The following AGTPBP1 variants were observed in gnomAD, a reference collection of about 807,000 sequenced individuals.
AGTPBP1 encodes the protein cytosolic carboxypeptidase 1.
AGTPBP1 carries 70 observed loss-of-function variants against 143.9 expected under a neutral mutation model. The ratio of observed to expected loss-of-function variants is 0.49; its 90% CI spans 0.40 to 0.59. AGTPBP1 has a LOEUF of 0.59. Ranked by LOEUF, AGTPBP1 falls within the 20% of genes least tolerant of loss-of-function variation. The pLI is 0.00. For missense variants in AGTPBP1, 1,229 were observed against 1,464.5 expected, an observed-to-expected ratio of 0.84 and a Z score of 2.62; for synonymous variants, 463 against 500.2, an observed-to-expected ratio of 0.93 and a Z score of 0.99.
At chr9:85,700,918 C>T (rs1185024434) in intron 2 of AGTPBP1, among the ~76,000 whole-genome samples, 3 of 150,178 alleles carry the variant, frequency 2.0e-5, no homozygotes, top group Non-Finnish European at 3.0e-5. Flanking sequence ...ACACACTATA[C>T]TTTTTTTTTT....
At chr9:85,778,200 C>T in the AGTPBP1 span, among the ~76,000 whole-genome samples, 12 of 152,138 alleles carry the variant, frequency 7.9e-5, no homozygotes, top group South Asian at 2.1e-4. Flanking sequence ...CTGCTGTGCA[C>T]GACCCACTTT....
At chr9:85,766,787 C>G in the AGTPBP1 span, among the ~76,000 whole-genome samples, 2 of 152,096 alleles carry the variant, frequency 1.3e-5, no homozygotes, top group Non-Finnish European at 2.9e-5. Context: ...AGCAGATGAT[C>G]GAGAACATGA....
At chr9:85,757,697 C>A in the AGTPBP1 span, among the ~76,000 whole-genome samples, 1 of 151,578 alleles carries the variant, frequency 6.6e-6, no homozygotes, top group African/African-American at 2.4e-5. Flanking sequence ...AGATGTTTTC[C>A]TTTTTTAAAA....
intron 25 of AGTPBP1, among the ~76,000 whole-genome samples, chr9:85,566,350 C>T (rs1452649445): frequency 4.6e-5 from 7 of 151,194 alleles, no homozygotes. Flanking sequence ...GAGGCTCCCT[C>T]TCTACTGAAA....
the AGTPBP1 span, among the ~76,000 whole-genome samples, chr9:85,781,639 T>C: frequency 1.3e-5 from 2 of 152,360 alleles, no homozygotes; most frequent in East Asian, 1.9e-4. Flanking sequence ...AAATTAACTA[T>C]ATAATCTAAC....
intron 17 of AGTPBP1, among the ~76,000 whole-genome samples, chr9:85,612,028 C>T (rs1830346317): frequency 1.3e-5 from 2 of 152,084 alleles, no homozygotes; most frequent in African/African-American, 4.8e-5. Flanking sequence ...GGTCTCTACC[C>T]CCCAGTTCCT....
the AGTPBP1 span, among the ~76,000 whole-genome samples, chr9:85,793,930 A>G: frequency 1.3e-5 from 2 of 152,156 alleles, no homozygotes; most frequent in Admixed American, 1.3e-4. Flanking sequence ...GGAAATTTCT[A>G]CAGGCTTTTA....
At chr9:85,797,856 C>T in the AGTPBP1 span, among the ~76,000 whole-genome samples, 5 of 152,146 alleles carry the variant, frequency 3.3e-5, no homozygotes, top group African/African-American at 7.2e-5. Context: ...TCTGCTTTGT[C>T]GGAGTTCTGG....
Position 85,613,470 on chromosome 9 carries a change from T to C in AGTPBP1, c.2335+5513A>G, listed in dbSNP as rs1293438642. 2.6e-5 allele frequency among the ~76,000 whole-genome samples: 4 copies of C among 152,072 alleles called. No individual in the cohort carries two copies. In the South Asian group the frequency reaches 6.2e-4, roughly 24 times the overall value. On this transcript the variant is annotated intron_variant, in intron 17 of 25. Transcript: ENST00000357081. ...AATAAGCAAATATACATATTGCAGA[T>C]AGCACACAAATTTCTGCTACTGAAT...
intron 25 of AGTPBP1, among the ~76,000 whole-genome samples, chr9:85,572,079 T>C (rs1167639586): frequency 1.5e-5 from 2 of 135,108 alleles, no homozygotes; most frequent in African/African-American, 5.5e-5. Context: ...CAGGATGGAG[T>C]GTAGTGGCAG....
the AGTPBP1 span, among the ~76,000 whole-genome samples, chr9:85,759,293 T>C: frequency 6.6e-6 from 1 of 152,252 alleles, no homozygotes; most frequent in South Asian, 2.1e-4. Context: ...TACAGAACTT[T>C]CCACCCCACA....
chr9:85,653,761 A>G (rs113211693), intron 11 of AGTPBP1, among the ~76,000 whole-genome samples: 13 of 152,276 alleles, frequency 8.5e-5, no homozygotes, highest in African/African-American at 3.1e-4. Flanking sequence ...GCATTTACTC[A>G]CAGCTCCACC....
chr9:85,802,146 C>T, the AGTPBP1 span, among the ~76,000 whole-genome samples: 1 of 152,142 alleles, frequency 6.6e-6, no homozygotes, highest in Non-Finnish European at 1.5e-5. Flanking sequence ...CCTCCACTCT[C>T]CAACCATCTC....
chr9:85,749,608 G>A, the AGTPBP1 span, among the ~76,000 whole-genome samples: 2 of 152,060 alleles, frequency 1.3e-5, no homozygotes, highest in Non-Finnish European at 2.9e-5. Flanking sequence ...GATAGGCTTT[G>A]AAGAAAAGAT....
intron 6 of AGTPBP1, among the ~76,000 whole-genome samples, chr9:85,676,472 G>A (rs1363365314): frequency 6.6e-6 from 1 of 151,720 alleles, no homozygotes; most frequent in African/African-American, 2.4e-5. Context: ...CTAATCGTTA[G>A]GGAAATGCAA....
intron 22 of AGTPBP1, among the ~76,000 whole-genome samples, 196 bp downstream of exon 22, chr9:85,586,635 C>T (rs767434021): frequency 1.3e-5 from 2 of 152,050 alleles, no homozygotes; most frequent in African/African-American, 4.8e-5. Flanking sequence ...AAGTTACAAC[C>T]AAGAGTTATC....
chr9:85,611,155 CTTTT>C (rs56023115), intron 17 of AGTPBP1, among the ~76,000 whole-genome samples: 10 of 112,752 alleles, frequency 8.9e-5, no homozygotes, highest in African/African-American at 1.3e-4. Context: ...AGGGGCTTTT[CTTTT>C]TTTTTTTTTT....
At chr9:85,681,783 T>C (rs1835196600) in intron 3 of AGTPBP1, among the ~76,000 whole-genome samples, 1 of 143,020 alleles carries the variant, frequency 7.0e-6, no homozygotes, top group Non-Finnish European at 1.5e-5. Context: ...GGAGTCTCAT[T>C]CTGTCGCCCA....
intron 2 of AGTPBP1, among the ~76,000 whole-genome samples, chr9:85,694,724 T>G (rs1283516925): frequency 6.6e-6 from 1 of 152,162 alleles, no homozygotes; most frequent in African/African-American, 2.4e-5. Flanking sequence ...CCTTGAGTGA[T>G]CCCATCTAAT....
Sources: allele counts gnomAD v4.1 joint callset (sites outside exome capture counted in the v4.1 genomes callset), GRCh38; gene constraint gnomAD v4.1.1; transcripts MANE v1.5; gene names NCBI Gene and HGNC (gene_info 2026-07-23, HGNC 2026-07-21).